Variants in TMEM108 observed in about 807,000 individuals in gnomAD.
The protein encoded by TMEM108 is transmembrane protein 108, also known as cancer/testis antigen 124.
In TMEM108, 12 loss-of-function variants were observed where a neutral mutation model predicts 35.1. The observed-to-expected ratio is 0.34, with a 90% CI of 0.22 to 0.55. The LOEUF is 0.55. TMEM108 is among the 20% of genes least tolerant of loss of function. TMEM108 has a pLI of 0.89. For missense variants in TMEM108, 680 were observed against 753.3 expected, an observed-to-expected ratio of 0.90 and a Z score of 1.14; for synonymous variants, 287 against 308.6, an observed-to-expected ratio of 0.93 and a Z score of 0.73.
intron 2 of TMEM108, among the ~76,000 whole-genome samples, chr3:133,066,822 C>T (rs902810595): frequency 2.0e-5 from 3 of 152,156 alleles, no homozygotes; most frequent in African/African-American, 4.8e-5. Flanking sequence ...CTCTCCCCTA[C>T]TAGAGGTAAT....
At chr3:133,370,008 A>C (rs2072610643) in intron 3 of TMEM108, among the ~76,000 whole-genome samples, 1 of 152,188 alleles carries the variant, frequency 6.6e-6, no homozygotes, top group East Asian at 1.9e-4. Flanking sequence ...AAAAGTTGCA[A>C]CAGTAGTGCA....
chr3:133,267,107 G>A lies in TMEM108; in HGVS notation c.40+37756G>A, dbSNP rs150354754. The stretch of plus-strand genomic sequence containing the variant: ...AAAAAAAAAAAAAAAGAACTCCCAA[G>A]GTAAAGGGATATAGTTGCTGTAGAG... On this transcript the variant is annotated intron_variant, in intron 3 of 5. Transcript: ENST00000321871. 1.7e-4 allele frequency among the ~76,000 whole-genome samples: 26 copies of A among 150,208 alleles called. No homozygotes were observed. The East Asian group carries it at 4.9e-3, about 28-fold the overall frequency.
At chr3:133,216,272 T>C (rs1241534221) in intron 2 of TMEM108, among the ~76,000 whole-genome samples, 3 of 152,108 alleles carry the variant, frequency 2.0e-5, no homozygotes, top group African/African-American at 7.2e-5. Flanking sequence ...GCAAGTGATA[T>C]ATGACTGTCC....
chr3:133,280,411 G>A (rs1340692530), intron 3 of TMEM108, among the ~76,000 whole-genome samples: 1 of 152,200 alleles, frequency 6.6e-6, no homozygotes, highest in Non-Finnish European at 1.5e-5. Context: ...GGCGGTAGAT[G>A]TTGGGGTGGG....
chr3:133,255,862 G>A (rs957961031), intron 3 of TMEM108, among the ~76,000 whole-genome samples: 1 of 152,068 alleles, frequency 6.6e-6, no homozygotes, highest in Non-Finnish European at 1.5e-5. Flanking sequence ...GGTGGTGCAC[G>A]CCTGTCATCC....
At chr3:133,171,811 A>T (rs895362235) in intron 2 of TMEM108, among the ~76,000 whole-genome samples, 1 of 152,154 alleles carries the variant, frequency 6.6e-6, no homozygotes, top group African/African-American at 2.4e-5. Flanking sequence ...TTTTGAAAAA[A>T]CCTAACTCTT....
chr3:133,343,766 G>T (rs1576474660), intron 3 of TMEM108, among the ~76,000 whole-genome samples: 1 of 151,780 alleles, frequency 6.6e-6, no homozygotes, highest in Non-Finnish European at 1.5e-5. Flanking sequence ...GATATCTGAT[G>T]GTATGCATTT....
Position 133,318,326 on chromosome 3 carries a change from G to A in TMEM108, c.41-61426G>A, listed in dbSNP as rs1485706072. On this transcript the variant is annotated intron_variant, in intron 3 of 5. Transcript: ENST00000321871. ...GCATAGGGGAGGAAAAATGGGGATAGTAACTGGTTTACATCTCAAGGATAT... is the reference window on the plus strand; with the variant it reads ...GCATAGGGGAGGAAAAATGGGGATAATAACTGGTTTACATCTCAAGGATAT... 3.9e-5 allele frequency among the ~76,000 whole-genome samples: 6 copies of A among 152,194 alleles called. No individual in the cohort carries two copies. The East Asian group carries it at 7.7e-4, about 20-fold the overall frequency.
At chr3:133,230,384 T>C (rs1946135085) in intron 3 of TMEM108, among the ~76,000 whole-genome samples, 1 of 152,176 alleles carries the variant, frequency 6.6e-6, no homozygotes, top group Non-Finnish European at 1.5e-5. Context: ...AAAACACATA[T>C]CACGTCAGCC....
intron 2 of TMEM108, among the ~76,000 whole-genome samples, chr3:133,066,103 C>T (rs958291096): frequency 6.6e-6 from 1 of 152,074 alleles, no homozygotes; most frequent in Non-Finnish European, 1.5e-5. Context: ...CGTGACATTC[C>T]TTATTAGATT....
At chr3:133,054,673 A>T (rs1943444446) in intron 2 of TMEM108, among the ~76,000 whole-genome samples, 1 of 152,218 alleles carries the variant, frequency 6.6e-6, no homozygotes. Context: ...TGACTTTATA[A>T]GGGAATGCAT....
chr3:133,229,170 T>C (rs972421124), intron 2 of TMEM108, 96 bp from the exon 3 acceptor site: 25 of 718,732 alleles, frequency 3.5e-5, no homozygotes, highest in Non-Finnish European at 5.7e-5. Context: ...ATTGGGTAAG[T>C]TAGGCATTAT....
chr3:133,132,495 G>T (rs753445606), intron 2 of TMEM108, among the ~76,000 whole-genome samples: 1 of 152,100 alleles, frequency 6.6e-6, no homozygotes, highest in Non-Finnish European at 1.5e-5. Context: ...TTTACTGAAC[G>T]ACTTAACCCC....
At chr3:133,094,786 C>A (rs1030992552) in intron 2 of TMEM108, among the ~76,000 whole-genome samples, 5 of 152,224 alleles carry the variant, frequency 3.3e-5, no homozygotes, top group African/African-American at 1.2e-4. Context: ...GCCTTAATCT[C>A]TTCCACCTAC....
intron 3 of TMEM108, among the ~76,000 whole-genome samples, chr3:133,306,074 A>G: frequency 6.6e-6 from 1 of 152,160 alleles, no homozygotes; most frequent in Non-Finnish European, 1.5e-5. Flanking sequence ...TTTTCTTAAT[A>G]GTACTTTTCG....
intron 2 of TMEM108, among the ~76,000 whole-genome samples, chr3:133,107,912 G>C (rs1025029752): frequency 6.6e-6 from 1 of 152,158 alleles, no homozygotes; most frequent in African/African-American, 2.4e-5. Flanking sequence ...CTTAAACCTT[G>C]TAAGGACTGA....
At chr3:133,082,328 C>G (rs1943822114) in intron 2 of TMEM108, among the ~76,000 whole-genome samples, 1 of 152,240 alleles carries the variant, frequency 6.6e-6, no homozygotes, top group Non-Finnish European at 1.5e-5. Flanking sequence ...GGAAGTCCAT[C>G]TTACAGGAGT....
chr3:133,283,508 A>G (rs1369510443), intron 3 of TMEM108, among the ~76,000 whole-genome samples: 1 of 152,198 alleles, frequency 6.6e-6, no homozygotes, highest in Admixed American at 6.5e-5. Context: ...ACTCCTTACA[A>G]TTTAATTACA....
At chr3:133,145,131 A>G (rs1944698961) in intron 2 of TMEM108, among the ~76,000 whole-genome samples, 1 of 152,130 alleles carries the variant, frequency 6.6e-6, no homozygotes. Context: ...ATCTTGAATT[A>G]ATTTTTCTAT....
Sources: gnomAD v4.1 joint callset for allele counts (sites outside exome capture counted in the v4.1 genomes callset) on GRCh38, gnomAD v4.1.1 for gene constraint, MANE v1.5 for transcripts, NCBI Gene and HGNC (gene_info 2026-07-23, HGNC 2026-07-21) for gene names.